MAP3K19: variants seen among roughly 807,000 people sequenced by gnomAD.
MAP3K19 encodes the protein SPS1/STE20-related protein kinase YSK4.
Under a neutral mutation model 114.4 loss-of-function variants are expected in MAP3K19, and 91 were observed. The ratio of observed to expected loss-of-function variants is 0.80; its 90% CI spans 0.67 to 0.95. MAP3K19 has a LOEUF of 0.95. Among genes scored for constraint, MAP3K19 ranks in the 40% least tolerant of loss-of-function variants. MAP3K19 has a pLI of 0.00. For synonymous variants in MAP3K19, 518 were observed against 530.5 expected (o/e 0.98, Z 0.32); for missense variants, 1,471 against 1,573.2 (o/e 0.94, Z 1.10).
chr2:135,013,116 T>C (rs1281280556), intron 5 of MAP3K19, among the ~76,000 whole-genome samples: 1 of 152,032 alleles, frequency 6.6e-6, no homozygotes, highest in African/African-American at 2.4e-5. Context: ...GGTCAAGGGT[T>C]TGAGACCAGC....
intron 2 of MAP3K19, among the ~76,000 whole-genome samples, chr2:135,036,286 A>G (rs565580280): frequency 3.3e-5 from 5 of 152,316 alleles, no homozygotes; most frequent in African/African-American, 9.6e-5. Flanking sequence ...TGGTTACTTC[A>G]AAGTACTAAT....
chr2:135,021,802 A>G lies in MAP3K19; in HGVS notation c.51T>C (p.Ile17=), dbSNP rs766946115. Residue 17 remains isoleucine (I), a synonymous_variant, in exon 5 of 13, where the codon ATT becomes ATC. Coordinates refer to ENST00000392915, the MANE Select transcript of MAP3K19 (RefSeq NM_025052.5). ...TTGGAGAAGAGTTTGTATCATGACA[A>G]ATGTCAAGCAATGACTCAGCATGTC... ...PERHAESLLD[I]CHDTNSSPTD... The G allele has an allele frequency of 6.2e-7, 1 of 1,608,526 alleles. No homozygotes were observed. The highest frequency in any genetic ancestry group is 8.5e-7 in the Non-Finnish European group (1 of 1,177,388).
Position 134,974,043 on chromosome 2 carries a change from C to G in MAP3K19, c.3920+6778G>C, listed in dbSNP as rs567807400. Among the ~76,000 whole-genome samples, 170 of 151,896 alleles carry G rather than the reference C, an allele frequency of 1.1e-3. 1 individual carries two copies. The highest frequency in any genetic ancestry group is 4.0e-3 in the African/African-American group (166 of 41,410). On this transcript the variant is annotated intron_variant, in intron 12 of 12. Transcript: ENST00000392915. Reference sequence around the variant, plus strand: ...TGAGATGGAGTTTTGCTGTTGTTGCCCAGGCTAGAGTGCAAAGGCACAATC... The same window carrying G: ...TGAGATGGAGTTTTGCTGTTGTTGCGCAGGCTAGAGTGCAAAGGCACAATC...
chr2:134,982,655 C>G (rs1684790260), intron 11 of MAP3K19, among the ~76,000 whole-genome samples: 1 of 151,994 alleles, frequency 6.6e-6, no homozygotes, highest in Non-Finnish European at 1.5e-5. Context: ...TGGCCTGCCT[C>G]CCAGATTTCT....
chr2:135,005,390 G>T, intron 6 of MAP3K19, 45 bp downstream of exon 6: 2 of 1,389,288 alleles, frequency 1.4e-6, no homozygotes, highest in South Asian at 2.3e-5. Context: ...AAGCCCATAT[G>T]ATAATGTTAT....
chr2:135,036,999 C>CTT (rs10617799), intron 2 of MAP3K19, among the ~76,000 whole-genome samples: 18 of 144,580 alleles, frequency 1.2e-4, no homozygotes, highest in African/African-American at 3.5e-4. Context: ...GTAAAACATT[C>CTT]TTTTTTTTTT....
chr2:135,041,967 T>C (rs1171330411), intron 1 of MAP3K19, among the ~76,000 whole-genome samples: 2 of 152,184 alleles, frequency 1.3e-5, no homozygotes, highest in Non-Finnish European at 1.5e-5. Context: ...AATAGTACTC[T>C]AGAACATGTA....
At chr2:135,040,856 C>T (rs1688632361) in intron 1 of MAP3K19, among the ~76,000 whole-genome samples, 1 of 152,090 alleles carries the variant, frequency 6.6e-6, no homozygotes, top group African/African-American at 2.4e-5. Flanking sequence ...AGCTTGGAGC[C>T]CAGTAGAACC....
At chr2:135,002,951 AC>A (rs1686552647) in intron 6 of MAP3K19, among the ~76,000 whole-genome samples, 1 of 152,090 alleles carries the variant, frequency 6.6e-6, no homozygotes, top group East Asian at 1.9e-4. Flanking sequence ...TGAAGCCCTA[AC>A]CCCCAAGTGT....
chr2:134,999,113 C>T lies in MAP3K19; in HGVS notation c.315-116G>A, dbSNP rs1686244998. ...TTTGAAGAACTACTTCCAAATGGTG[C>T]TGCTGAAAGGAAAGGCTGAATCCTG... On this transcript the variant is annotated intron_variant, in intron 7 of 12. Transcript: ENST00000392915. This position sits in a 1 kb window ranked among gnomAD's most constrained non-coding sequence, Gnocchi z 4.1. 1 of 1,210,588 alleles carries T rather than the reference C, an allele frequency of 8.3e-7. No individual in the cohort carries two copies. Among genetic ancestry groups the T allele is most frequent in the Non-Finnish European group, 1.2e-6 (1 of 865,296 alleles). 75.0% of individuals were successfully genotyped at this position (1,210,588 alleles called of 1,614,324 possible). A position where few individuals can be genotyped will look rare whatever the true frequency, so the allele number is the denominator to read the frequency against.
At chr2:134,969,638 A>G (rs1457488303) in intron 12 of MAP3K19, among the ~76,000 whole-genome samples, 1 of 152,174 alleles carries the variant, frequency 6.6e-6, no homozygotes, top group Non-Finnish European at 1.5e-5. Context: ...CCTTTACCTT[A>G]AAAGCACAGG....
intron 8 of MAP3K19, among the ~76,000 whole-genome samples, chr2:134,992,115 A>G (rs1202846503): frequency 6.6e-6 from 1 of 152,246 alleles, no homozygotes; most frequent in Non-Finnish European, 1.5e-5. Flanking sequence ...AATATAAGCA[A>G]ACAGCTTTTG....
intron 12 of MAP3K19, among the ~76,000 whole-genome samples, chr2:134,971,894 G>A (rs1240164737): frequency 7.0e-6 from 1 of 143,026 alleles, no homozygotes; most frequent in Non-Finnish European, 1.5e-5. Flanking sequence ...ATTTTTTTCT[G>A]TATTTCATTT....
chr2:135,025,560 G>T (rs1404682930), intron 3 of MAP3K19, among the ~76,000 whole-genome samples: 3 of 151,674 alleles, frequency 2.0e-5, no homozygotes, highest in Non-Finnish European at 4.4e-5. Context: ...TAATTTTTTT[G>T]TATTTTTAGT....
chr2:134,982,871 G>C (rs1684803136), intron 11 of MAP3K19, among the ~76,000 whole-genome samples: 1 of 152,130 alleles, frequency 6.6e-6, no homozygotes, highest in African/African-American at 2.4e-5. Context: ...TCTTATTTGG[G>C]GGCCAGCCTT....
chr2:135,003,585 C>T (rs1224764406), intron 6 of MAP3K19, among the ~76,000 whole-genome samples: 1 of 152,068 alleles, frequency 6.6e-6, no homozygotes, highest in Non-Finnish European at 1.5e-5. Context: ...GACGGAGCCT[C>T]ACTCTGTCAC....
intron 12 of MAP3K19, among the ~76,000 whole-genome samples, chr2:134,978,427 C>T (rs1185272625): frequency 6.6e-6 from 1 of 151,970 alleles, no homozygotes; most frequent in African/African-American, 2.4e-5. Context: ...TCTTGAACTC[C>T]TGGGCTTAAG....
At chr2:135,041,059 T>C (rs745948679) in intron 1 of MAP3K19, among the ~76,000 whole-genome samples, 1 of 152,078 alleles carries the variant, frequency 6.6e-6, no homozygotes, top group Non-Finnish European at 1.5e-5. Flanking sequence ...TTTTTTTTTT[T>C]AGCTTGTTTA....
intron 5 of MAP3K19, among the ~76,000 whole-genome samples, chr2:135,020,420 A>T (rs1478718582): frequency 6.6e-6 from 1 of 152,182 alleles, no homozygotes; most frequent in Non-Finnish European, 1.5e-5. Flanking sequence ...CCTGGGCTCA[A>T]GTGATTCTTC....
Sources: gnomAD v4.1 joint callset for allele counts (sites outside exome capture counted in the v4.1 genomes callset) on GRCh38, gnomAD v4.1.1 for gene constraint, Gnocchi (gnomAD v3.1) non-coding constraint, MANE v1.5 for transcripts, NCBI Gene and HGNC (gene_info 2026-07-23, HGNC 2026-07-21) for gene names.